AP3D1: variants seen among roughly 807,000 people sequenced by gnomAD.
AP3D1 encodes the protein AP-3 complex subunit delta-1.
In AP3D1, 51 loss-of-function variants were observed where a neutral mutation model predicts 147.6. The ratio of observed to expected loss-of-function variants is 0.35; its 90% CI spans 0.28 to 0.44. The LOEUF (loss-of-function observed/expected upper bound fraction) is 0.44. Among genes scored for constraint, AP3D1 ranks in the 20% least tolerant of loss-of-function variants. AP3D1 has a pLI of 1.00. For synonymous variants in AP3D1, 760 were observed against 663.0 expected, an observed-to-expected ratio of 1.15 and a Z score of -2.25; for missense variants, 1,421 against 1,624.2, an observed-to-expected ratio of 0.87 and a Z score of 2.15.
intron 1 of AP3D1, among the ~76,000 whole-genome samples, chr19:2,163,188 C>G (rs905560224): frequency 2.6e-5 from 4 of 152,178 alleles, no homozygotes; most frequent in Admixed American, 6.5e-5. Context: ...ATTCTCCTAC[C>G]TCAGCCCCCG....
At chr19:2,135,933 C>T (rs1317507681) in intron 4 of AP3D1, among the ~76,000 whole-genome samples, 2 of 151,930 alleles carry the variant, frequency 1.3e-5, no homozygotes, top group African/African-American at 2.4e-5. Context: ...CTCCTCTTAG[C>T]GGGCCAGACT....
intron 1 of AP3D1, among the ~76,000 whole-genome samples, chr19:2,149,206 C>A (rs1032882090): frequency 3.3e-5 from 5 of 152,012 alleles, no homozygotes; most frequent in African/African-American, 1.2e-4. Context: ...ATGGCAGGGC[C>A]AATGAGGAAG....
intron 5 of AP3D1, 146 bp from the exon 6 acceptor site, chr19:2,130,683 A>G (rs1404928439): frequency 3.9e-6 from 5 of 1,292,432 alleles, no homozygotes; most frequent in South Asian, 1.3e-5. Flanking sequence ...ACAGACCAGC[A>G]TCTTGGATGG....
intron 23 of AP3D1, 110 bp from the exon 24 acceptor site, chr19:2,113,077 T>A (rs1195226887): frequency 2.6e-6 from 2 of 767,802 alleles, no homozygotes; most frequent in Non-Finnish European, 4.1e-6. Context: ...CACGCCTGCC[T>A]GAGAGGCCAC....
intron 11 of AP3D1, among the ~76,000 whole-genome samples, chr19:2,122,828 G>A (rs979396017): frequency 3.9e-5 from 6 of 152,186 alleles, no homozygotes; most frequent in Admixed American, 2.6e-4. Flanking sequence ...TCAACAAAAA[G>A]ACCTGGCTTC....
intron 4 of AP3D1, among the ~76,000 whole-genome samples, chr19:2,135,928 C>T (rs1222949104): frequency 1.3e-5 from 2 of 151,930 alleles, no homozygotes; most frequent in African/African-American, 4.8e-5. Context: ...CCATCCTCCT[C>T]TTAGCGGGCC....
At chr19:2,149,447 G>A (rs1335915915) in intron 1 of AP3D1, among the ~76,000 whole-genome samples, 1 of 151,778 alleles carries the variant, frequency 6.6e-6, no homozygotes, top group Non-Finnish European at 1.5e-5. Flanking sequence ...AGGAGCTGGG[G>A]CAGGAGAATC....
chr19:2,130,966 C>T (rs1166430092), intron 5 of AP3D1, among the ~76,000 whole-genome samples: 1 of 152,258 alleles, frequency 6.6e-6, no homozygotes, highest in African/African-American at 2.4e-5. Context: ...CTGACAGAGC[C>T]AATCCATGAT....
At chr19:2,136,534 C>T (rs2019081053) in intron 4 of AP3D1, among the ~76,000 whole-genome samples, 1 of 152,172 alleles carries the variant, frequency 6.6e-6, no homozygotes, top group Non-Finnish European at 1.5e-5. Context: ...TTTACTACTA[C>T]CCAGTGGCCT....
chr19:2,142,452 C>A (rs554643694), intron 1 of AP3D1, among the ~76,000 whole-genome samples: 3 of 152,218 alleles, frequency 2.0e-5, no homozygotes, highest in South Asian at 2.1e-4. Flanking sequence ...ACCTGGCTGG[C>A]GCTTTTTCTA....
chr19:2,138,805 T>C, intron 1 of AP3D1, 91 bp from the exon 2 acceptor site: 1 of 906,710 alleles, frequency 1.1e-6, no homozygotes. Flanking sequence ...CTCACGCCTG[T>C]AATCCCAGCA....
intron 18 of AP3D1, among the ~76,000 whole-genome samples, chr19:2,115,989 T>C (rs1414829923): frequency 6.6e-6 from 1 of 152,262 alleles, no homozygotes; most frequent in Non-Finnish European, 1.5e-5. Flanking sequence ...GCAGCTGGGC[T>C]GCCAGGCGCA....
chr19:2,110,030 A>G (rs2018224216), intron 28 of AP3D1, 72 bp from the exon 29 acceptor site: 2 of 1,590,294 alleles, frequency 1.3e-6, no homozygotes, highest in Non-Finnish European at 1.7e-6. Flanking sequence ...TTCCCCAGGC[A>G]GGTGGCCCAC....
chr19:2,135,032 C>T (rs182012680), intron 4 of AP3D1, among the ~76,000 whole-genome samples: 17 of 152,012 alleles, frequency 1.1e-4, no homozygotes, highest in Admixed American at 1.0e-3. Context: ...AACCCTGTCT[C>T]TATTAAAAAC....
chr19:2,110,572 G>A lies in AP3D1; in HGVS notation c.3175+135C>T, dbSNP rs2018242687. 13 of 946,498 alleles carry A rather than the reference G, an allele frequency of 1.4e-5. No individual in the cohort carries two copies. The East Asian group carries it at 3.4e-4, about 25-fold the overall frequency. The allele number at this position is 946,498 out of a possible 1,614,324, so 58.6% of individuals were successfully genotyped here. A position where few individuals can be genotyped will look rare whatever the true frequency, so the allele number is the denominator to read the frequency against. ...GCTGTGGCGAGACCCCGACACTCAG[G>A]AGGTACTGAGGTGCAGCCTGGGGAC... On this transcript the variant is annotated intron_variant, in intron 27 of 31. Transcript: ENST00000643116.
rs114460651 is a variant in AP3D1 at position 2,116,765 on chromosome 19, C to T, written c.1860-19G>A. 241,428 of 1,591,330 alleles carry T rather than the reference C, an allele frequency of 0.15. 19,438 individuals are homozygous for T. The highest frequency in any genetic ancestry group is 0.17 in the Non-Finnish European group (193,267 of 1,168,342). ...GTCCAGGCTGCACCGGACAGGAGGG[C>T]CACACAAGGCAGTGTGTGACCGAGC... On this transcript the variant is annotated intron_variant, in intron 16 of 31. Transcript: ENST00000643116.
At chr19:2,155,370 A>C (rs542449500), upstream of AP3D1, among the ~76,000 whole-genome samples, 10 of 145,742 alleles carry the variant, frequency 6.9e-5, no homozygotes, top group East Asian at 5.9e-4. Context: ...CAAAAAAAAA[A>C]CCAAAAAAAA....
rs752713478 is a variant in AP3D1 at position 2,101,882 on chromosome 19, C to T, written c.*291G>A. Reference sequence around the variant, plus strand: ...GCCCCTGAAGCCACATTCAAGGACTCGGCCCCCAGCGCGGGGCAGGGCACA... The same window carrying T: ...GCCCCTGAAGCCACATTCAAGGACTTGGCCCCCAGCGCGGGGCAGGGCACA... On this transcript the variant is annotated 3_prime_UTR_variant, in exon 32 of 32. Coordinates refer to ENST00000643116, the MANE Select transcript of AP3D1 (RefSeq NM_001261826.3). 5.6e-5 allele frequency: 22 copies of T among 395,916 alleles called. No individual in the cohort carries two copies. The highest frequency in any genetic ancestry group is 1.4e-3 in the Middle Eastern group (2 of 1,432). 24.5% of individuals were successfully genotyped at this position (395,916 alleles called of 1,614,324 possible).
intron 1 of AP3D1, among the ~76,000 whole-genome samples, chr19:2,143,304 G>A (rs1031346563): frequency 7.3e-5 from 10 of 137,892 alleles, no homozygotes; most frequent in African/African-American, 2.7e-4. Flanking sequence ...GCAGCAGCGC[G>A]ATCTCAGCTC....
Sources: allele counts gnomAD v4.1 joint callset (sites outside exome capture counted in the v4.1 genomes callset), GRCh38; gene constraint gnomAD v4.1.1; transcripts MANE v1.5; gene names NCBI Gene and HGNC (gene_info 2026-07-23, HGNC 2026-07-21).